The following GPR146 variants were observed in gnomAD, a reference collection of about 807,000 sequenced individuals.
GPR146 encodes G-protein coupled receptor 146.
For missense variants in GPR146, 381 were observed against 213.9 expected, an observed-to-expected ratio of 1.78 and a Z score of -4.87; for synonymous variants, 203 against 104.3, an observed-to-expected ratio of 1.95 and a Z score of -5.77.
chr7:1,055,564 G>T, intron 1 of GPR146: 1 of 410,126 alleles, frequency 2.4e-6, no homozygotes, highest in South Asian at 1.7e-5. Context: ...GGACGTGGGG[G>T]ACTCTGTGCA....
At chr7:1,049,760 T>C (rs1782919422) in intron 1 of GPR146, among the ~76,000 whole-genome samples, 1 of 152,204 alleles carries the variant, frequency 6.6e-6, no homozygotes, top group African/African-American at 2.4e-5. Context: ...TCAGTGGTGC[T>C]TTCTCAAAGT....
At chr7:1,046,359 TC>T (rs1317119579) in intron 1 of GPR146, among the ~76,000 whole-genome samples, 1 of 152,176 alleles carries the variant, frequency 6.6e-6, no homozygotes, top group Non-Finnish European at 1.5e-5. Flanking sequence ...CACACGACGA[TC>T]CCACGGTGCT....
intron 1 of GPR146, among the ~76,000 whole-genome samples, 183 bp downstream of exon 1, chr7:1,044,841 T>G (rs1782428848): frequency 6.6e-6 from 1 of 152,070 alleles, no homozygotes; most frequent in South Asian, 2.1e-4. Context: ...ACCGCTGTCC[T>G]CCGGCCGCGC....
At chr7:1,046,618 C>G (rs983167542) in intron 1 of GPR146, among the ~76,000 whole-genome samples, 3 of 152,130 alleles carry the variant, frequency 2.0e-5, no homozygotes, top group African/African-American at 7.2e-5. Flanking sequence ...GAGATGCTGC[C>G]CGGGACCAGA....
intron 1 of GPR146, among the ~76,000 whole-genome samples, chr7:1,049,141 G>A (rs867301144): frequency 6.6e-6 from 1 of 152,342 alleles, no homozygotes; most frequent in South Asian, 2.1e-4. Flanking sequence ...CCTCCTCCAC[G>A]TTGGCCAGCA....
chr7:1,047,879 C>T (rs1782727581), intron 1 of GPR146, among the ~76,000 whole-genome samples: 6 of 152,236 alleles, frequency 3.9e-5, no homozygotes, highest in South Asian at 2.1e-4. Context: ...GTGGATCACT[C>T]GCCTTGGGGA....
At chr7:1,057,367 G>T in intron 1 of GPR146, 125 bp from the exon 2 acceptor site, 1 of 594,574 alleles carries the variant, frequency 1.7e-6, no homozygotes. Flanking sequence ...TGCACCAAAG[G>T]CAGCCTCGCT....
In GPR146 at chr7:1,044,599, C is replaced by T. The variant is rs1782393970; in HGVS notation, c.-84C>T. ...GCGTGCGCGCCGTGAGCCCCGCCGC[C>T]TCCGCCAGCCCGAGCTGCCCGCCCG... On this transcript the variant is annotated 5_prime_UTR_variant, in exon 1 of 2. Coordinates refer to ENST00000444847, the MANE Select transcript of GPR146 (RefSeq NM_001303473.2). 6.6e-6 allele frequency: 1 copy of T among 151,026 alleles called. No homozygotes were observed. Among genetic ancestry groups the T allele is most frequent in the Non-Finnish European group, 1.5e-5 (1 of 67,650 alleles). 9.4% of individuals were successfully genotyped at this position (151,026 alleles called of 1,614,324 possible). A position where few individuals can be genotyped will look rare whatever the true frequency, so the allele number is the denominator to read the frequency against.
rs192742339 is a variant in GPR146 at position 1,051,557 on chromosome 7, T to C, written c.-24-5935T>C. The stretch of plus-strand genomic sequence containing the variant: ...CATGGCCCAGGCCCAGCCTTGAAGC[T>C]GTAAAGACCTCTCACCCCATCCAAA... On this transcript the variant is annotated intron_variant, in intron 1 of 1. Transcript: ENST00000444847. Among the ~76,000 whole-genome samples the C allele has an allele frequency of 5.1e-3, 772 of 152,352 alleles. 3 individuals carry two copies. Among genetic ancestry groups the C allele is most frequent in the Middle Eastern group, 0.041 (12 of 294 alleles).
At chr7:1,046,949 T>C (rs1782635985) in intron 1 of GPR146, among the ~76,000 whole-genome samples, 1 of 152,228 alleles carries the variant, frequency 6.6e-6, no homozygotes, top group Non-Finnish European at 1.5e-5. Flanking sequence ...CCACGCCTAG[T>C]AAACCGGGGC....
Position 1,057,906 on chromosome 7 carries a change from C to T in GPR146, c.391C>T (p.Arg131Cys), listed in dbSNP as rs201640619. 32 of 775,804 alleles carry T rather than the reference C, an allele frequency of 4.1e-5. No homozygotes were observed. The East Asian group carries it at 5.3e-4, about 13-fold the overall frequency. 48.1% of individuals were successfully genotyped at this position (775,804 alleles called of 1,614,324 possible). A position where few individuals can be genotyped will look rare whatever the true frequency, so the allele number is the denominator to read the frequency against. The part of the protein sequence containing the change: ...ALLSLDHYIE[R>C]ALPRTYMASV... ...GCTGAGCCTCGACCACTACATCGAG[C>T]GTGCACTGCCGCGGACCTACATGGC... is the stretch of plus-strand genomic sequence containing the variant. The change falls in exon 2 of 2, where the codon CGT (arginine) becomes TGT (cysteine). Residue 131 changes from arginine (R) to cysteine (C), a missense_variant. Arg to Cys is a radical substitution (Grantham distance 180, BLOSUM62 -3). Transcript: ENST00000444847.
At chr7:1,048,543 C>G (rs1427295338) in intron 1 of GPR146, among the ~76,000 whole-genome samples, 4 of 152,168 alleles carry the variant, frequency 2.6e-5, no homozygotes, top group Non-Finnish European at 5.9e-5. Flanking sequence ...TCTGAACAGG[C>G]CTGGGGCAGT....
intron 1 of GPR146, among the ~76,000 whole-genome samples, chr7:1,053,565 C>T (rs561446737): frequency 2.0e-5 from 3 of 152,226 alleles, no homozygotes; most frequent in Non-Finnish European, 2.9e-5. Context: ...TGGTGGCTCA[C>T]GTCTGTAATC....
At chr7:1,057,394 T>C (rs1217815977) in intron 1 of GPR146, 98 bp from the exon 2 acceptor site, 4 of 606,550 alleles carry the variant, frequency 6.6e-6, no homozygotes, top group Admixed American at 2.8e-5. Context: ...TCTGCAGCGA[T>C]TACTGCACCA....
intron 1 of GPR146, among the ~76,000 whole-genome samples, chr7:1,049,011 CAGT>C (rs1161517642): frequency 1.1e-4 from 17 of 152,240 alleles, no homozygotes; most frequent in African/African-American, 3.6e-4. Context: ...AAAGCCTCTG[CAGT>C]CTGAGCGTGC....
At chr7:1,053,091 T>C (rs983767196) in intron 1 of GPR146, among the ~76,000 whole-genome samples, 6 of 152,098 alleles carry the variant, frequency 3.9e-5, no homozygotes, top group Non-Finnish European at 8.8e-5. Flanking sequence ...AGCCAGGCCA[T>C]TGTTCTCCAG....
chr7:1,058,769 G>A lies in GPR146; in HGVS notation c.*252G>A, dbSNP rs77434655. ...AACACGCAGCTCAAGGTCCACATCC[G>A]CAAAAGCCTCCTCGCCTTCAGCCTC... On this transcript the variant is annotated 3_prime_UTR_variant, in exon 2 of 2. Coordinates refer to ENST00000444847, the MANE Select transcript of GPR146 (RefSeq NM_001303473.2). The A allele has an allele frequency of 0.13, 65,875 of 511,896 alleles. 5,020 individuals are homozygous for A. Among genetic ancestry groups the A allele is most frequent in the Middle Eastern group, 0.22 (420 of 1,900 alleles). 31.7% of individuals were successfully genotyped at this position (511,896 alleles called of 1,614,324 possible). A position where few individuals can be genotyped will look rare whatever the true frequency, so the allele number is the denominator to read the frequency against.
intron 1 of GPR146, chr7:1,056,198 G>A: frequency 6.4e-6 from 1 of 155,960 alleles, no homozygotes; most frequent in Non-Finnish European, 1.4e-5. Context: ...CTGCCTGGCC[G>A]AGGAGGTGCT....
rs181051796 is a variant in GPR146, at chr7:1,053,806, A to G, written c.-24-3686A>G. ...CGTGCCACTGCACTCCAGCCTGGGC[A>G]ACAGAGCGAGACTCCATCTCAAAAA... On this transcript the variant is annotated intron_variant, in intron 1 of 1. Coordinates refer to ENST00000444847, the MANE Select transcript of GPR146 (RefSeq NM_001303473.2). Among the ~76,000 whole-genome samples the G allele has an allele frequency of 7.8e-3, 1,182 of 152,276 alleles. 13 individuals carry two copies. Among genetic ancestry groups the G allele is most frequent in the African/African-American group, 0.027 (1,119 of 41,558 alleles).
Sources: gnomAD v4.1 joint callset for allele counts (sites outside exome capture counted in the v4.1 genomes callset) on GRCh38, gnomAD v4.1.1 for gene constraint, MANE v1.5 for transcripts, NCBI Gene and HGNC (gene_info 2026-07-23, HGNC 2026-07-21) for gene names.